FOXN3: variants seen among roughly 807,000 people sequenced by gnomAD.
FOXN3 encodes the protein forkhead box N3.
FOXN3 carries 7 observed loss-of-function variants against 38.4 expected under a neutral mutation model. The observed-to-expected ratio is 0.18, with a 90% confidence interval of 0.10 to 0.34. FOXN3 has a LOEUF of 0.34. Ranked by LOEUF, FOXN3 falls within the 10% of genes least tolerant of loss-of-function variation. The pLI is 1.00. For synonymous variants in FOXN3, 230 were observed against 242.2 expected, an observed-to-expected ratio of 0.95 and a Z score of 0.47; for missense variants, 456 against 613.4, an observed-to-expected ratio of 0.74 and a Z score of 2.71.
intron 3 of FOXN3, among the ~76,000 whole-genome samples, chr14:89,305,492 C>G (rs925919839): frequency 6.6e-6 from 1 of 152,190 alleles, no homozygotes; most frequent in South Asian, 2.1e-4. Flanking sequence ...GAATTTATCA[C>G]GTAAGTTATA....
At position 89,164,865 on chromosome 14, in the gene FOXN3, G is replaced by A. The variant is rs1887199708; in HGVS notation, c.852-1896C>T. Among the ~76,000 whole-genome samples the A allele has an allele frequency of 6.6e-6, 1 of 152,154 alleles. No homozygotes were observed. Among genetic ancestry groups the A allele is most frequent in the Non-Finnish European group, 1.5e-5 (1 of 68,036 alleles). ...GGAGACTTCAGCTGCATCCCACATA[G>A]AAAGTGAAAGGGGAAGGGAAAGAGT... On this transcript the variant is annotated intron_variant, in intron 5 of 5. Transcript: ENST00000557258. The surrounding 1 kb of genome is among the most constrained non-coding windows in gnomAD (Gnocchi z 4.3).
At chr14:89,427,219 CCT>C (rs1892053302) in intron 1 of FOXN3, among the ~76,000 whole-genome samples, 1 of 141,326 alleles carries the variant, frequency 7.1e-6, no homozygotes, top group Admixed American at 7.1e-5. Flanking sequence ...ACAGAGTGAG[CCT>C]CTGTCTCAAA....
chr14:89,343,507 T>G (rs956682431), intron 3 of FOXN3, among the ~76,000 whole-genome samples: 1 of 149,254 alleles, frequency 6.7e-6, no homozygotes, highest in Non-Finnish European at 1.5e-5. Flanking sequence ...AAAAAGGACA[T>G]CAATAGGGCA....
chr14:89,380,073 C>T (rs1245885158), intron 2 of FOXN3, among the ~76,000 whole-genome samples: 2 of 152,172 alleles, frequency 1.3e-5, no homozygotes, highest in Middle Eastern at 3.2e-3. Flanking sequence ...TAGCTGCGTC[C>T]CCATCCAAAT....
rs1336047238 is a variant in FOXN3, at chr14:89,511,153, C to CT, written c.-14-98664dup. 7.8e-4 allele frequency among the ~76,000 whole-genome samples: 16 copies of CT among 20,614 alleles called. 2 individuals carry two copies. The highest frequency in any genetic ancestry group is 1.3e-3 in the Non-Finnish European group (4 of 2,976). 13.5% of individuals were successfully genotyped at this position (20,614 alleles called of 152,430 possible). On this transcript the variant is annotated intron_variant, in intron 1 of 6. Coordinates refer to the FOXN3 transcript ENST00000345097. Reference sequence around the variant, plus strand: ...CTTTCTTTCTTTCTTTTCTTTCTTTCTTTCTTTCTTTCTTTCTTTCTTTCT... The same window carrying CT: ...CTTTCTTTCTTTCTTTTCTTTCTTTCTTTTCTTTCTTTCTTTCTTTCTTTCT...
chr14:89,592,366 C>T (rs1895974506), intron 1 of FOXN3, among the ~76,000 whole-genome samples: 1 of 151,632 alleles, frequency 6.6e-6, no homozygotes, highest in African/African-American at 2.4e-5. Context: ...AGAACAGGAG[C>T]ATAAGTCTTC....
At chr14:89,458,030 C>CAAAA (rs11445763) in intron 1 of FOXN3, among the ~76,000 whole-genome samples, 9 of 53,500 alleles carry the variant, frequency 1.7e-4, no homozygotes, top group African/African-American at 3.0e-4. Context: ...AACTCCATCT[C>CAAAA]AAAAAAAAAA....
chr14:89,299,253 A>C (rs1380325196), intron 3 of FOXN3, among the ~76,000 whole-genome samples: 1 of 152,204 alleles, frequency 6.6e-6, no homozygotes, highest in Non-Finnish European at 1.5e-5. Flanking sequence ...GGTTTCCCCC[A>C]TACTATTCTC....
At chr14:89,536,352 C>T (rs955424329) in intron 1 of FOXN3, among the ~76,000 whole-genome samples, 1 of 152,146 alleles carries the variant, frequency 6.6e-6, no homozygotes, top group African/African-American at 2.4e-5. Context: ...GATTAAAGTG[C>T]TTAGAAAGTA....
intron 4 of FOXN3, among the ~76,000 whole-genome samples, chr14:89,225,182 A>G (rs2139846886): frequency 6.6e-6 from 1 of 151,542 alleles, no homozygotes; most frequent in African/African-American, 2.4e-5. Context: ...ATGTGTGCCT[A>G]TAGTCCCAGC....
chr14:89,217,916 G>A (rs1290181416), intron 4 of FOXN3, among the ~76,000 whole-genome samples: 1 of 152,198 alleles, frequency 6.6e-6, no homozygotes, highest in Middle Eastern at 3.2e-3. Context: ...GGTGCACTCA[G>A]GCAAAATGAA....
chr14:89,413,773 GA>G (rs1420426628), intron 1 of FOXN3, among the ~76,000 whole-genome samples: 2 of 139,354 alleles, frequency 1.4e-5, no homozygotes, highest in African/African-American at 5.3e-5. Context: ...AAAGAAGAAG[GA>G]AAAAAAGAAG....
chr14:89,165,124 G>A (rs1887207256), intron 5 of FOXN3, among the ~76,000 whole-genome samples: 1 of 152,156 alleles, frequency 6.6e-6, no homozygotes, highest in Admixed American at 6.5e-5. Flanking sequence ...GTCCCAGTGA[G>A]ACCCAGAAGG....
chr14:89,303,436 ATCTGATTCAGC>A (rs1258842958), intron 3 of FOXN3, among the ~76,000 whole-genome samples: 1 of 151,258 alleles, frequency 6.6e-6, no homozygotes, highest in African/African-American at 2.4e-5. Flanking sequence ...GACACTGACG[ATCTGATTCAGC>A]TCATGTCCCC....
intron 5 of FOXN3, among the ~76,000 whole-genome samples, chr14:89,170,367 CAT>C (rs1309124469): frequency 6.6e-6 from 1 of 152,166 alleles, no homozygotes; most frequent in Admixed American, 6.5e-5. Flanking sequence ...AAACATAGAA[CAT>C]GTGCTAATAA....
At chr14:89,369,972 A>G (rs959266764) in intron 2 of FOXN3, among the ~76,000 whole-genome samples, 12 of 152,266 alleles carry the variant, frequency 7.9e-5, no homozygotes, top group Non-Finnish European at 1.5e-4. Flanking sequence ...CAAAAACTGT[A>G]TCACTTCCAA....
rs564866557 is a variant in FOXN3, at chr14:89,508,402, A to C, written c.-14-95912T>G. 5.3e-5 allele frequency among the ~76,000 whole-genome samples: 8 copies of C among 152,288 alleles called. No homozygotes were observed. The South Asian group carries it at 1.7e-3, about 32-fold the overall frequency. ...ACATCTTCTCTGAGCACACTGAAGA[A>C]AGACAGCCTAGAAATTCCACAGAGC... On this transcript the variant is annotated intron_variant, in intron 1 of 6. Coordinates refer to the FOXN3 transcript ENST00000345097.
chr14:89,195,942 C>A (rs1301809148), intron 4 of FOXN3, among the ~76,000 whole-genome samples: 7 of 152,124 alleles, frequency 4.6e-5, no homozygotes, highest in African/African-American at 1.7e-4. Flanking sequence ...GTCATGGGTG[C>A]TGAATAGAGT....
intron 1 of FOXN3, among the ~76,000 whole-genome samples, chr14:89,519,712 C>T (rs1301752769): frequency 6.6e-6 from 1 of 152,076 alleles, no homozygotes; most frequent in Non-Finnish European, 1.5e-5. Context: ...GGAAGGGGGA[C>T]AGTAATGCCT....
Sources: allele counts gnomAD v4.1 joint callset (sites outside exome capture counted in the v4.1 genomes callset), GRCh38; gene constraint gnomAD v4.1.1; non-coding constraint Gnocchi (gnomAD v3.1); transcripts MANE v1.5; gene names NCBI Gene and HGNC (gene_info 2026-07-23, HGNC 2026-07-21).